Variants in DNAJC4 observed in about 807,000 individuals in gnomAD.
DNAJC4 encodes dnaJ homolog subfamily C member 4.
Under a neutral mutation model 26.8 loss-of-function variants are expected in DNAJC4, and 26 were observed. That is an observed-to-expected ratio of 0.97 (90% CI 0.71 to 1.34). The LOEUF (loss-of-function observed/expected upper bound fraction) is 1.34, where lower values mean the gene tolerates loss of function less well. Among genes scored for constraint, DNAJC4 ranks in the 40% most tolerant of loss-of-function variants. DNAJC4 has a pLI of 0.00. For missense variants in DNAJC4, 342 were observed against 321.1 expected (o/e 1.07, Z -0.50); for synonymous variants, 134 against 127.8 (o/e 1.05, Z -0.33).
Position 64,232,564 on chromosome 11 carries a change from A to G in DNAJC4, c.315A>G (p.Pro105=). ...ACCAGCTCCGCTCAGGTAGTCCCCCAAAGTCTCCACGAACCACAGTCCATG... is the reference window on the plus strand; with the variant it reads ...ACCAGCTCCGCTCAGGTAGTCCCCCGAAGTCTCCACGAACCACAGTCCATG... ...YDDQLRSGSP[P]KSPRTTVHDK... Residue 105 remains proline (P), a synonymous_variant, in exon 3 of 6, where the codon CCA becomes CCG. Coordinates refer to ENST00000628077, the MANE Select transcript of DNAJC4 (RefSeq NM_005528.4). 1 of 1,612,086 alleles carries G rather than the reference A, an allele frequency of 6.2e-7. No individual in the cohort carries two copies. Among genetic ancestry groups the G allele is most frequent in the Non-Finnish European group, 8.5e-7 (1 of 1,178,554 alleles).
chr11:64,231,040 C>T lies in DNAJC4; in HGVS notation c.86+100C>T, dbSNP rs187325226. ...TCTCTACTCCGTGTCAGGAGGCTCCCAGGTTTGTCTCAGGTAACCCTCGCC... is the reference window on the plus strand; with the variant it reads ...TCTCTACTCCGTGTCAGGAGGCTCCTAGGTTTGTCTCAGGTAACCCTCGCC... On this transcript the variant is annotated intron_variant, in intron 1 of 5. Coordinates refer to ENST00000628077, the MANE Select transcript of DNAJC4 (RefSeq NM_005528.4). 38 of 1,454,804 alleles carry T rather than the reference C, an allele frequency of 2.6e-5. No homozygotes were observed. In the East Asian group the frequency reaches 7.9e-4, roughly 30 times the overall value. The allele number at this position is 1,454,804 out of a possible 1,614,324, so 90.1% of individuals were successfully genotyped here. A position where few individuals can be genotyped will look rare whatever the true frequency, so the allele number is the denominator to read the frequency against.
chr11:64,232,417 T>A lies in DNAJC4; in HGVS notation c.181-13T>A, dbSNP rs1296920173. 1 of 1,563,274 alleles carries A rather than the reference T, an allele frequency of 6.4e-7. No individual in the cohort carries two copies. Among genetic ancestry groups the A allele is most frequent in the Non-Finnish European group, 8.7e-7 (1 of 1,152,960 alleles). On this transcript the variant is annotated splice_polypyrimidine_tract_variant and intron_variant, in intron 2 of 5. Coordinates refer to ENST00000628077, the MANE Select transcript of DNAJC4 (RefSeq NM_005528.4). ...AGGCAAAGGGAGATAAGGGGAGTCCTGCCCCACCCCAGCTGCACCCAGACC... is the reference window on the plus strand; with the variant it reads ...AGGCAAAGGGAGATAAGGGGAGTCCAGCCCCACCCCAGCTGCACCCAGACC...
In DNAJC4 at chr11:64,232,984, G is replaced by C. The variant is rs1591076344; in HGVS notation, c.527+119G>C. The C allele has an allele frequency of 4.8e-6, 6 of 1,243,402 alleles. No homozygotes were observed. The East Asian group carries it at 1.6e-4, about 34-fold the overall frequency. The allele number at this position is 1,243,402 out of a possible 1,614,324, so 77.0% of individuals were successfully genotyped here. ...CGTACTCTTGTGTCTCTCAAGCTAA[G>C]AGCTGCTTGAAGTTGGTCTCTGGAG... is the stretch of plus-strand genomic sequence containing the variant. On this transcript the variant is annotated intron_variant, in intron 4 of 5. Coordinates refer to ENST00000628077, the MANE Select transcript of DNAJC4 (RefSeq NM_005528.4).
chr11:64,233,993 T>C lies in DNAJC4; in HGVS notation c.614+13T>C, dbSNP rs1225803205. The stretch of plus-strand genomic sequence containing the variant: ...GGGCACGGGCCAGGTCTGTCCCTGC[T>C]CTATTCTGCTCCCTGCTCCCTGTCC... On this transcript the variant is annotated intron_variant, in intron 5 of 5. Coordinates refer to ENST00000628077, the MANE Select transcript of DNAJC4 (RefSeq NM_005528.4). 5.6e-6 allele frequency: 9 copies of C among 1,613,878 alleles called. No homozygotes were observed. Among genetic ancestry groups the C allele is most frequent in the African/African-American group, 1.3e-5 (1 of 74,922 alleles).
At chr11:64,231,175 C>T in intron 1 of DNAJC4, 1 of 672,226 alleles carries the variant, frequency 1.5e-6, no homozygotes, top group South Asian at 1.5e-5. Context: ...TACCACAGCT[C>T]TAGTGGTTTC....
rs1343952074 is a variant in DNAJC4 at position 64,232,751 on chromosome 11, T to C, written c.413T>C (p.Val138Ala). 5.6e-6 allele frequency: 9 copies of C among 1,612,620 alleles called. No homozygotes were observed. Among genetic ancestry groups the C allele is most frequent in the Non-Finnish European group, 7.6e-6 (9 of 1,179,260 alleles). ...CAGTACTGGTCCCAGTTTCACAGCG[T>C]GAGGCCACAGGGGCCCCAGTTGAGG... ...NAQYWSQFHS[V>A]RPQGPQLRQQ... Residue 138 changes from valine (V) to alanine (A), a missense_variant, in exon 4 of 6, where the codon GTG becomes GCG. Transcript: ENST00000628077.
At chr11:64,233,420 T>C (rs1947203531) in intron 4 of DNAJC4, 1 of 162,200 alleles carries the variant, frequency 6.2e-6, no homozygotes, top group Non-Finnish European at 1.4e-5. Context: ...TTTGTATTTT[T>C]AGTAGAGATG....
chr11:64,232,317 T>C, intron 2 of DNAJC4, 113 bp from the exon 3 acceptor site: 2 of 1,348,096 alleles, frequency 1.5e-6, no homozygotes, highest in South Asian at 1.5e-5. Flanking sequence ...TGAGGGTCAC[T>C]GACCAGGCAG....
At chr11:64,232,110 G>A (rs942487863) in intron 2 of DNAJC4, 146 bp downstream of exon 2, 5 of 853,388 alleles carry the variant, frequency 5.9e-6, no homozygotes, top group Non-Finnish European at 7.4e-6. Flanking sequence ...TCAATGGTAG[G>A]GGAAAGGCTG....
At chr11:64,232,944 C>A (rs1947196548) in intron 4 of DNAJC4, 79 bp downstream of exon 4, 3 of 1,458,894 alleles carry the variant, frequency 2.1e-6, no homozygotes, top group Middle Eastern at 1.8e-4. Flanking sequence ...CAGTCCTCCA[C>A]AGCACCTCGT....
At position 64,232,520 on chromosome 11, in the gene DNAJC4, AG is replaced by A; in HGVS notation, c.272del (p.Ser91ThrfsTer48). On this transcript the variant is annotated frameshift_variant, in exon 3 of 6. Coordinates refer to ENST00000628077, the MANE Select transcript of DNAJC4 (RefSeq NM_005528.4). LOFTEE classifies it high-confidence loss of function. The part of the protein sequence containing the change: ...EAYRVLSREQ[S>X]RRSYDDQLRS... ...ATACCGTGTGCTCAGCCGTGAGCAG[AG>A]CCGCCGCAGCTATGATGACCAGCTC... The A allele has an allele frequency of 6.2e-7, 1 of 1,613,396 alleles. No individual in the cohort carries two copies. The highest frequency in any genetic ancestry group is 8.5e-7 in the Non-Finnish European group (1 of 1,179,516).
chr11:64,231,008 G>C (rs1179812662), intron 1 of DNAJC4, 68 bp downstream of exon 1: 27 of 1,523,430 alleles, frequency 1.8e-5, no homozygotes, highest in Non-Finnish European at 2.4e-5. Context: ...TGCTGAGTTA[G>C]TTGTGGTCTC....
chr11:64,230,810 A>C lies in DNAJC4; in HGVS notation c.-45A>C. On this transcript the variant is annotated 5_prime_UTR_variant, in exon 1 of 6. Transcript: ENST00000628077. ...TTGAAGTCTAGCCCCATCCTGGTCC[A>C]ATGCGCTCTTGGTAGCCTCCTTTCC... 3.8e-6 allele frequency: 6 copies of C among 1,575,054 alleles called. No individual in the cohort carries two copies. Among genetic ancestry groups the C allele is most frequent in the Non-Finnish European group, 5.2e-6 (6 of 1,162,552 alleles).
intron 1 of DNAJC4, 30 bp downstream of exon 1, chr11:64,230,970 T>G (rs1169833841): frequency 6.5e-7 from 1 of 1,537,352 alleles, no homozygotes. Context: ...CCGGCCCGGT[T>G]GTTCAATGGG....
intron 2 of DNAJC4, 87 bp downstream of exon 2, chr11:64,232,051 C>T: frequency 7.1e-7 from 1 of 1,401,880 alleles, no homozygotes; most frequent in Non-Finnish European, 1.0e-6. Context: ...AGACCAGCAT[C>T]TCTGGCGGGT....
chr11:64,232,036 G>T (rs1351450670), intron 2 of DNAJC4, 72 bp downstream of exon 2: 34 of 1,496,688 alleles, frequency 2.3e-5, no homozygotes, highest in Non-Finnish European at 2.8e-5. Context: ...CAAATTCCCA[G>T]GAGTAGACCA....
intron 1 of DNAJC4, 67 bp downstream of exon 1, chr11:64,231,007 A>AG (rs1321774404): frequency 2.6e-6 from 4 of 1,523,268 alleles, no homozygotes; most frequent in South Asian, 2.4e-5. Context: ...GTGCTGAGTT[A>AG]GTTGTGGTCT....
At position 64,231,900 on chromosome 11, in the gene DNAJC4, TG is replaced by T. The variant is rs774600661; in HGVS notation, c.121del (p.Val41CysfsTer39). On this transcript the variant is annotated frameshift_variant, in exon 2 of 6. Transcript: ENST00000628077. LOFTEE classifies it high-confidence loss of function. ...AGACCCAGTACTTATTATGAACTGT[TG>T]GGGGTGCATCCTGGTGCCAGCACTG... is the stretch of plus-strand genomic sequence containing the variant. ...RSRPSTYYEL[L>X]GVHPGASTEE... is the part of the protein sequence containing the mutation. The T allele has an allele frequency of 1.5e-5, 24 of 1,613,922 alleles. No individual in the cohort carries two copies. The Admixed American group carries it at 2.5e-4, about 17-fold the overall frequency.
chr11:64,231,641 G>A, intron 1 of DNAJC4: 1 of 506,890 alleles, frequency 2.0e-6, no homozygotes, highest in Non-Finnish European at 3.5e-6. Flanking sequence ...CGCCTGTCCA[G>A]GAATCAGTTT....
Sources: allele counts gnomAD v4.1 joint callset, GRCh38; gene constraint gnomAD v4.1.1; transcripts MANE v1.5; gene names NCBI Gene and HGNC (gene_info 2026-07-23, HGNC 2026-07-21).